Variants in S100PBP observed in about 807,000 individuals in gnomAD.
S100PBP encodes the protein S100P binding protein.
Under a neutral mutation model 39.9 loss-of-function variants are expected in S100PBP, and 15 were observed. The ratio of observed to expected loss-of-function variants is 0.38; its 90% confidence interval spans 0.25 to 0.58. The LOEUF (loss-of-function observed/expected upper bound fraction) is 0.58, where lower values mean the gene tolerates loss of function less well. Ranked by LOEUF, S100PBP falls within the 20% of genes least tolerant of loss-of-function variation. The pLI, the probability that S100PBP is intolerant of heterozygous loss-of-function variation, is 0.70. For missense variants in S100PBP, 504 were observed against 487.3 expected (o/e 1.03, Z -0.32); for synonymous variants, 178 against 180.3 (o/e 0.99, Z 0.10).
chr1:32,850,330 C>A (rs1212867213), intron 5 of S100PBP, among the ~76,000 whole-genome samples: 1 of 152,140 alleles, frequency 6.6e-6, no homozygotes, highest in African/African-American at 2.4e-5. Flanking sequence ...GCTGATTCTC[C>A]CCTCCCCTGC....
intron 4 of S100PBP, 79 bp from the exon 5 acceptor site, chr1:32,829,885 A>AT: frequency 1.1e-6 from 1 of 928,724 alleles, no homozygotes; most frequent in South Asian, 1.4e-5. Flanking sequence ...AATCAGCAGT[A>AT]TATCACTTCT....
chr1:32,827,410 TG>T (rs1355749205), intron 3 of S100PBP, among the ~76,000 whole-genome samples: 1 of 152,214 alleles, frequency 6.6e-6, no homozygotes, highest in Admixed American at 6.5e-5. Context: ...TGAAAAATCT[TG>T]GGCAATTTAT....
intron 6 of S100PBP, 62 bp from the exon 7 acceptor site, chr1:32,855,862 G>A: frequency 2.1e-6 from 2 of 975,464 alleles, no homozygotes; most frequent in Non-Finnish European, 3.1e-6. Context: ...GCCTTTTTTT[G>A]TGTACAAATA....
Position 32,826,520 on chromosome 1 carries a change from A to G in S100PBP, c.421A>G (p.Lys141Glu), listed in dbSNP as rs1440704548. The G allele has an allele frequency of 3.7e-6, 6 of 1,614,110 alleles. No homozygotes were observed. The change falls in exon 3 of 7, where the codon AAG (lysine) becomes GAG (glutamate). Residue 141 changes from lysine to glutamate, a missense_variant. Lys to Glu is a moderately conservative substitution (Grantham distance 56). Transcript: ENST00000373475. ...KPLNRRSVLE[K>E]NLIKVTVAPF... The stretch of plus-strand genomic sequence containing the variant: ...ATTAAACAGACGCTCTGTACTAGAA[A>G]AGAATCTTATAAAAGTAACTGTTGC...
Position 32,826,390 on chromosome 1 carries a change from G to C in S100PBP, c.291G>C (p.Glu97Asp), listed in dbSNP as rs1382358318. 16 of 1,614,144 alleles carry C rather than the reference G, an allele frequency of 9.9e-6. No homozygotes were observed. Among genetic ancestry groups the C allele is most frequent in the Non-Finnish European group, 1.4e-5 (16 of 1,180,026 alleles). ...AAATTCTACTTGATACTCCCCGAGA[G>C]AAAAATTCATCGTACAGCCTGGGAC... Reference protein sequence around the residue: ...GSQILLDTPREKNSSYSLGPV... With the variant: ...GSQILLDTPRDKNSSYSLGPV... Residue 97 changes from glutamate to aspartate, a missense_variant, in exon 3 of 7, where the codon GAG (glutamate) becomes GAC (aspartate). Physicochemically the swap from Glu to Asp is conservative, Grantham distance 45 (BLOSUM62 2). Transcript: ENST00000373475.
At chr1:32,834,606 T>A (rs1428033226) in intron 5 of S100PBP, among the ~76,000 whole-genome samples, 1 of 152,238 alleles carries the variant, frequency 6.6e-6, no homozygotes, top group Non-Finnish European at 1.5e-5. Context: ...CAGGCATATA[T>A]GACACTTAAT....
chr1:32,852,132 A>G (rs1172773605), intron 5 of S100PBP, among the ~76,000 whole-genome samples: 1 of 151,888 alleles, frequency 6.6e-6, no homozygotes, highest in East Asian at 1.9e-4. Flanking sequence ...CGCCAACATG[A>G]TGAAACCCCA....
intron 5 of S100PBP, chr1:32,836,472 C>T (rs1047084068): frequency 9.3e-6 from 8 of 858,904 alleles, no homozygotes; most frequent in Non-Finnish European, 1.1e-5. Context: ...TAGTAGCTAT[C>T]CTAAAGGGTG....
chr1:32,855,868 A>C (rs755661549), intron 6 of S100PBP, 56 bp from the exon 7 acceptor site: 9 of 1,158,268 alleles, frequency 7.8e-6, no homozygotes, highest in Non-Finnish European at 8.9e-6. Flanking sequence ...TTTTGTGTAC[A>C]AATAGCCATT....
chr1:32,819,465 G>C (rs535814288), intron 1 of S100PBP, among the ~76,000 whole-genome samples: 2 of 152,338 alleles, frequency 1.3e-5, no homozygotes, highest in East Asian at 3.9e-4. Flanking sequence ...CTGGGAGGCT[G>C]TGGCATGAGA....
chr1:32,853,010 C>T (rs748874615), intron 5 of S100PBP, 69 bp from the exon 6 acceptor site: 28 of 1,048,804 alleles, frequency 2.7e-5, no homozygotes, highest in Non-Finnish European at 3.1e-5. Context: ...TCCCTGAAAA[C>T]ACATACTTTG....
chr1:32,825,488 A>G (rs543048245), intron 2 of S100PBP, 59 bp downstream of exon 2: 5 of 152,424 alleles, frequency 3.3e-5, no homozygotes, highest in East Asian at 3.9e-4. Context: ...TTTCAAAAGT[A>G]ATACATTTTT....
Position 32,838,824 on chromosome 1 carries a change from CAA to C in S100PBP, c.1024+8758_1024+8759del, listed in dbSNP as rs570183276. Among the ~76,000 whole-genome samples the C allele has an allele frequency of 6.1e-3, 886 of 145,550 alleles. 10 individuals carry two copies. Among genetic ancestry groups the C allele is most frequent in the African/African-American group, 0.022 (855 of 39,274 alleles). On this transcript the variant is annotated intron_variant, in intron 5 of 6. Coordinates refer to ENST00000373475, the MANE Select transcript of S100PBP (RefSeq NM_022753.4). ...TGCCATTGCACTTCAGCCTGGGTGA[CAA>C]GAGTGAAACTCCGTCTCAAAAAAAA...
chr1:32,817,189 T>C, upstream of S100PBP: 1 of 1,614,172 alleles, frequency 6.2e-7, no homozygotes, highest in Non-Finnish European at 8.5e-7. Context: ...AGGCCTGACC[T>C]GCAGGTTCCG....
chr1:32,826,192 G>C lies in S100PBP; in HGVS notation c.93G>C (p.Glu31Asp). ...CATTTTCTTGGGATTCCTTGGATGA[G>C]GATGGATTGGATGACTCCTTGCTGG... ...GAPFSWDSLDEDGLDDSLLEL... is the reference protein window; with the variant it reads ...GAPFSWDSLDDDGLDDSLLEL... The change falls in exon 3 of 7, where the codon GAG becomes GAC. Residue 31 changes from glutamate to aspartate, a missense_variant. Transcript: ENST00000373475. The C allele has an allele frequency of 6.2e-7, 1 of 1,614,116 alleles. No individual in the cohort carries two copies. Among genetic ancestry groups the C allele is most frequent in the Non-Finnish European group, 8.5e-7 (1 of 1,180,004 alleles).
At chr1:32,844,547 G>A (rs1316488063) in intron 5 of S100PBP, among the ~76,000 whole-genome samples, 1 of 152,120 alleles carries the variant, frequency 6.6e-6, no homozygotes, top group Non-Finnish European at 1.5e-5. Flanking sequence ...GGCCATCACA[G>A]CTTACTGCAG....
chr1:32,829,485 CAG>C (rs369886898), intron 4 of S100PBP, among the ~76,000 whole-genome samples: 21 of 152,182 alleles, frequency 1.4e-4, no homozygotes, highest in African/African-American at 4.8e-4. Context: ...TTTTTAGAGA[CAG>C]GGTCTCACTC....
intron 1 of S100PBP, among the ~76,000 whole-genome samples, chr1:32,819,049 A>G (rs1557475693): frequency 6.6e-6 from 1 of 152,106 alleles, no homozygotes; most frequent in African/African-American, 2.4e-5. Flanking sequence ...TTGTGCTCGA[A>G]GGCAGTAGGT....
intron 5 of S100PBP, among the ~76,000 whole-genome samples, chr1:32,852,413 TTAAG>T (rs1452120713): frequency 3.3e-5 from 5 of 152,192 alleles, no homozygotes; most frequent in African/African-American, 4.8e-5. Flanking sequence ...TTTTTTAGAA[TTAAG>T]TAAGATAATA....
Sources: allele counts gnomAD v4.1 joint callset (sites outside exome capture counted in the v4.1 genomes callset), GRCh38; gene constraint gnomAD v4.1.1; transcripts MANE v1.5; gene names NCBI Gene and HGNC (gene_info 2026-07-23, HGNC 2026-07-21).